HSPG2: variants seen among roughly 807,000 people sequenced by gnomAD.
HSPG2 encodes the protein basement membrane-specific heparan sulfate proteoglycan core protein.
HSPG2 carries 278 observed loss-of-function variants against 526.6 expected under a neutral mutation model. The ratio of observed to expected loss-of-function variants is 0.53; its 90% confidence interval spans 0.48 to 0.58. The LOEUF (loss-of-function observed/expected upper bound fraction) is 0.58. Ranked by LOEUF, HSPG2 falls within the 20% of genes least tolerant of loss-of-function variation. HSPG2 has a pLI of 0.00. For missense variants in HSPG2, 5,354 were observed against 6,099.5 expected (o/e 0.88, Z 4.07); for synonymous variants, 2,465 against 2,555.4 (o/e 0.96, Z 1.07).
At chr1:21,875,487 T>A (rs1640980849) in intron 25 of HSPG2, 142 bp downstream of exon 25, 1 of 732,250 alleles carries the variant, frequency 1.4e-6, no homozygotes, top group East Asian at 2.7e-5. Context: ...TGGGAGACAT[T>A]GTTAAGACTC....
Position 21,848,212 on chromosome 1 carries a change from C to T in HSPG2, c.7738-119G>A. On this transcript the variant is annotated intron_variant, in intron 59 of 96. Transcript: ENST00000374695. This position sits in a 1 kb window ranked among gnomAD's most constrained non-coding sequence, Gnocchi z 4.9. Reference sequence around the variant, plus strand: ...CCTCCCTGCCTTGCCTCCTCAGTGGCCTTCGTGAAGCTCCCAGCATGGCAT... The same window carrying T: ...CCTCCCTGCCTTGCCTCCTCAGTGGTCTTCGTGAAGCTCCCAGCATGGCAT... The T allele has an allele frequency of 8.3e-7, 1 of 1,209,832 alleles. No individual in the cohort carries two copies. Among genetic ancestry groups the T allele is most frequent in the Non-Finnish European group, 1.2e-6 (1 of 851,764 alleles). The allele number at this position is 1,209,832 out of a possible 1,614,324, so 74.9% of individuals were successfully genotyped here. A position where few individuals can be genotyped will look rare whatever the true frequency, so the allele number is the denominator to read the frequency against.
rs1215892780 is a variant in HSPG2 at position 21,893,241 on chromosome 1, C to A, written c.245-2547G>T. Among the ~76,000 whole-genome samples the A allele has an allele frequency of 6.6e-6, 1 of 152,216 alleles. No individual in the cohort carries two copies. Among genetic ancestry groups the A allele is most frequent in the African/African-American group, 2.4e-5 (1 of 41,462 alleles). ...GGATTGGCCTGTGCTGGGGTGGACA[C>A]AAGTGGCCTCTGGAATGCAGGGCCT... is the stretch of plus-strand genomic sequence containing the variant. On this transcript the variant is annotated intron_variant, in intron 3 of 96. Coordinates refer to ENST00000374695, the MANE Select transcript of HSPG2 (RefSeq NM_005529.7). This position sits in a 1 kb window ranked among gnomAD's most constrained non-coding sequence, Gnocchi z 4.3.
chr1:21,884,481 G>A, intron 13 of HSPG2, 47 bp downstream of exon 13: 1 of 1,609,738 alleles, frequency 6.2e-7, no homozygotes, highest in South Asian at 1.1e-5. Flanking sequence ...GGGTACAGAG[G>A]TACCCACCTC....
chr1:21,909,419 G>T (rs1643546358), intron 1 of HSPG2, among the ~76,000 whole-genome samples: 1 of 152,202 alleles, frequency 6.6e-6, no homozygotes, highest in Admixed American at 6.5e-5. Context: ...CCCTGAGCTT[G>T]CCAGCAGCCA....
In HSPG2 at chr1:21,887,479, C is replaced by T; in HGVS notation, c.899G>A (p.Arg300Lys). 1 of 1,614,112 alleles carries T rather than the reference C, an allele frequency of 6.2e-7. No homozygotes were observed. The highest frequency in any genetic ancestry group is 1.3e-5 in the African/African-American group (1 of 75,056). ...AACRNGHCIP[R>K]DYLCDGQEDC... ...CTCCTGTCCGTCGCAGAGGTAGTCT[C>T]TGGGGATGCAGTGCCCATTGCGGCA... The change falls in exon 8 of 97, where the codon AGA (arginine) becomes AAA (lysine). Residue 300 changes from arginine to lysine, a missense_variant. Arg to Lys is a conservative substitution (Grantham distance 26). Coordinates refer to ENST00000374695, the MANE Select transcript of HSPG2 (RefSeq NM_005529.7). The surrounding 1 kb of genome is among the most constrained non-coding windows in gnomAD (Gnocchi z 5.0).
Position 21,865,195 on chromosome 1 carries a change from G to T in HSPG2, c.4395+90C>A. On this transcript the variant is annotated intron_variant, in intron 35 of 96. Coordinates refer to ENST00000374695, the MANE Select transcript of HSPG2 (RefSeq NM_005529.7). This position sits in a 1 kb window ranked among gnomAD's most constrained non-coding sequence, Gnocchi z 5.4. ...AGGGCTGCCAGGTGAAGGTTGGGGAGCGAGAGACAGGGTGGGTATCAAAGC... is the reference window on the plus strand; with the variant it reads ...AGGGCTGCCAGGTGAAGGTTGGGGATCGAGAGACAGGGTGGGTATCAAAGC... 1 of 1,519,064 alleles carries T rather than the reference G, an allele frequency of 6.6e-7. No individual in the cohort carries two copies. Among genetic ancestry groups the T allele is most frequent in the Non-Finnish European group, 9.1e-7 (1 of 1,093,580 alleles). The allele number at this position is 1,519,064 out of a possible 1,614,324, so 94.1% of individuals were successfully genotyped here.
At position 21,830,077 on chromosome 1, in the gene HSPG2, C is replaced by G. The variant is rs377369499; in HGVS notation, c.11686G>C (p.Asp3896His). Residue 3896 changes from aspartate to histidine, a missense_variant, in exon 86 of 97, where the codon GAC (aspartate) becomes CAC (histidine). Coordinates refer to ENST00000374695, the MANE Select transcript of HSPG2 (RefSeq NM_005529.7). ...LHCHPEACGP[D>H]ATCVNRPDGR... ...TCAGGCCGGTTCACACAGGTGGCGT[C>G]GGGCCCACAGGCCTCTGGGGGGCAC... 2.5e-6 allele frequency: 4 copies of G among 1,598,864 alleles called. No individual in the cohort carries two copies. Among genetic ancestry groups the G allele is most frequent in the South Asian group, 1.1e-5 (1 of 88,540 alleles).
rs1257743980 is a variant in HSPG2 at position 21,851,909 on chromosome 1, C to T, written c.6888G>A (p.Leu2296=). ...PARHQVRGSR[L]YIFQASPADA... ...CGGCAGGTGAGGCCTGGAAGATGTA[C>T]AGGCGGGAGCCACGAACCTGGGCAG... is the stretch of plus-strand genomic sequence containing the variant. Residue 2296 remains leucine, a synonymous_variant, in exon 54 of 97, where the codon CTG becomes CTA. Transcript: ENST00000374695. The T allele has an allele frequency of 3.1e-5, 49 of 1,604,378 alleles. No homozygotes were observed. The highest frequency in any genetic ancestry group is 4.0e-5 in the African/African-American group (3 of 74,748).
chr1:21,888,602 G>A (rs1317407301), intron 6 of HSPG2: 6 of 1,221,750 alleles, frequency 4.9e-6, no homozygotes, highest in African/African-American at 3.1e-5. Context: ...CCCTGCACCC[G>A]GCCTCCTCTC....
chr1:21,864,236 G>T lies in HSPG2; in HGVS notation c.4627-23C>A. 1 of 1,541,186 alleles carries T rather than the reference G, an allele frequency of 6.5e-7. No individual in the cohort carries two copies. ...GTCCTAGGGGCAGAGAGGAAGGTTG[G>T]CCTCTGTTCCCAACGTGCCCCACCC... On this transcript the variant is annotated intron_variant, in intron 36 of 96. Transcript: ENST00000374695. This position sits in a 1 kb window ranked among gnomAD's most constrained non-coding sequence, Gnocchi z 4.8.
At chr1:21,832,748 C>A in intron 80 of HSPG2, 142 bp from the exon 81 acceptor site, 2 of 659,490 alleles carry the variant, frequency 3.0e-6, no homozygotes, top group South Asian at 1.7e-5. Context: ...ACAGCCAGGG[C>A]CTTCTCACTA....
rs12026760 is a variant in HSPG2 at position 21,838,004 on chromosome 1, C to T, written c.10150+821G>A. ...CACAAAAATTAGCCAAGCGTGGTGG[C>T]GCGTGCCTGTAGTGCCAGCTACTCG... On this transcript the variant is annotated intron_variant, in intron 74 of 96. Transcript: ENST00000374695. Among the ~76,000 whole-genome samples the T allele has an allele frequency of 3.2e-3, 486 of 151,870 alleles. 22 individuals carry two copies. In the East Asian group the frequency reaches 0.083, roughly 26 times the overall value.
chr1:21,823,777 A>C (rs1365712831), intron 95 of HSPG2, 58 bp from the exon 96 acceptor site: 1 of 1,325,542 alleles, frequency 7.5e-7, no homozygotes, highest in East Asian at 2.3e-5. Flanking sequence ...CCCCGGCCCC[A>C]CGACAGAGTC....
At position 21,833,559 on chromosome 1, in the gene HSPG2, G is replaced by A. The variant is rs750714971; in HGVS notation, c.10886C>T (p.Pro3629Leu). ...SRLENNMLML[P>L]SVRPQDAGTY... ...ACCTGCGTCCTGGGGTCGGACTGAG[G>A]GCAGCATCAGCATGTTGTTCTCCAG... The change falls in exon 79 of 97, where the codon CCC becomes CTC. Residue 3629 changes from proline to leucine, a missense_variant. Coordinates refer to ENST00000374695, the MANE Select transcript of HSPG2 (RefSeq NM_005529.7). 6 of 1,614,172 alleles carry A rather than the reference G, an allele frequency of 3.7e-6. No homozygotes were observed. The South Asian group carries it at 6.6e-5, about 18-fold the overall frequency.
intron 71 of HSPG2, among the ~76,000 whole-genome samples, chr1:21,840,757 G>T (rs1178648424): frequency 1.3e-5 from 2 of 152,120 alleles, no homozygotes; most frequent in South Asian, 2.1e-4. Context: ...CTCTCCAAGT[G>T]CTGGGATTAC....
intron 1 of HSPG2, among the ~76,000 whole-genome samples, chr1:21,907,539 T>C (rs1344170749): frequency 6.6e-6 from 1 of 151,894 alleles, no homozygotes; most frequent in African/African-American, 2.4e-5. Context: ...TCAAAACACA[T>C]CCAATTTTTT....
At chr1:21,908,436 T>C in intron 1 of HSPG2, 6 of 865,664 alleles carry the variant, frequency 6.9e-6, no homozygotes, top group Non-Finnish European at 9.8e-6. Context: ...AGGAGAATGA[T>C]CAGAAAAAGA....
chr1:21,865,950 G>T lies in HSPG2; in HGVS notation c.4222-141C>A. 1.4e-6 allele frequency: 1 copy of T among 698,836 alleles called. No individual in the cohort carries two copies. 43.3% of individuals were successfully genotyped at this position (698,836 alleles called of 1,614,324 possible). A position where few individuals can be genotyped will look rare whatever the true frequency, so the allele number is the denominator to read the frequency against. Reference sequence around the variant, plus strand: ...CCCCCCTCCCTGCCCAAACCAAGAGGCCAGGGTGCATGGTTGCCTGGGAAA... The same window carrying T: ...CCCCCCTCCCTGCCCAAACCAAGAGTCCAGGGTGCATGGTTGCCTGGGAAA... On this transcript the variant is annotated intron_variant, in intron 33 of 96. Transcript: ENST00000374695. The surrounding 1 kb of genome is among the most constrained non-coding windows in gnomAD (Gnocchi z 5.4).
intron 64 of HSPG2, among the ~76,000 whole-genome samples, chr1:21,845,682 T>C (rs924195315): frequency 6.6e-6 from 1 of 152,126 alleles, no homozygotes; most frequent in African/African-American, 2.4e-5. Flanking sequence ...CCGGCTCTAA[T>C]AAAGATGTGT....
Sources: allele counts gnomAD v4.1 joint callset (sites outside exome capture counted in the v4.1 genomes callset), GRCh38; gene constraint gnomAD v4.1.1; non-coding constraint Gnocchi (gnomAD v3.1); transcripts MANE v1.5; gene names NCBI Gene and HGNC (gene_info 2026-07-23, HGNC 2026-07-21).